The following TFR2 variants were observed in gnomAD, a reference collection of about 807,000 sequenced individuals.
TFR2 encodes transferrin receptor 2.
Under a neutral mutation model 91.9 loss-of-function variants are expected in TFR2, and 64 were observed. The observed-to-expected ratio is 0.70, with a 90% CI of 0.57 to 0.86. The LOEUF is 0.86. TFR2 is among the 40% of genes least tolerant of loss of function. The probability of loss-of-function intolerance (pLI) is 0.00; values close to 1 mark genes in which losing one functional copy is unlikely to be tolerated. For synonymous variants in TFR2, 454 were observed against 459.6 expected, an observed-to-expected ratio of 0.99 and a Z score of 0.15; for missense variants, 950 against 1,080.5, an observed-to-expected ratio of 0.88 and a Z score of 1.69.
chr7:100,639,309 G>A (rs1342236061), intron 3 of TFR2, among the ~76,000 whole-genome samples: 1 of 152,176 alleles, frequency 6.6e-6, no homozygotes, highest in African/African-American at 2.4e-5. Context: ...GGAGGCTGCA[G>A]TGAGCCAAGA....
At chr7:100,636,174 T>A (rs1803568662) in intron 3 of TFR2, among the ~76,000 whole-genome samples, 1 of 79,306 alleles carries the variant, frequency 1.3e-5, no homozygotes. Flanking sequence ...CTGCATCTTT[T>A]TTTTTTTTTT....
chr7:100,640,996 G>A lies in TFR2; in HGVS notation c.266C>T (p.Ala89Val). ...RRAAPYLVLTALLIFTGAFLL... is the reference protein window; with the variant it reads ...RRAAPYLVLTVLLIFTGAFLL... Reference sequence around the variant, plus strand: ...CTCACCCCCAGTGAAGATCAGCAGGGCCGTCAGGACCAGGTAGGGGGCAGC... The same window carrying A: ...CTCACCCCCAGTGAAGATCAGCAGGACCGTCAGGACCAGGTAGGGGGCAGC... Residue 89 changes from alanine to valine, a missense_variant, in exon 2 of 18, where the codon GCC becomes GTC. Physicochemically the swap from Ala to Val is moderately conservative, Grantham distance 64. Coordinates refer to ENST00000223051, the MANE Select transcript of TFR2 (RefSeq NM_003227.4). The A allele has an allele frequency of 2.5e-6, 4 of 1,607,896 alleles. No homozygotes were observed. Among genetic ancestry groups the A allele is most frequent in the Non-Finnish European group, 3.4e-6 (4 of 1,175,952 alleles).
intron 17 of TFR2, among the ~76,000 whole-genome samples, chr7:100,624,249 G>C (rs1451848997): frequency 6.6e-6 from 1 of 151,886 alleles, no homozygotes; most frequent in Non-Finnish European, 1.5e-5. Context: ...CCTCTTCATG[G>C]GGCCCCTGTT....
In TFR2 at chr7:100,631,237, A is replaced by G. The variant is rs41303483; in HGVS notation, c.1107-185T>C. Among the ~76,000 whole-genome samples the G allele has an allele frequency of 8.2e-3, 1,233 of 151,170 alleles. 24 individuals are homozygous for G. The highest frequency in any genetic ancestry group is 0.027 in the African/African-American group (1,126 of 41,186). On this transcript the variant is annotated intron_variant, in intron 8 of 17. Coordinates refer to ENST00000223051, the MANE Select transcript of TFR2 (RefSeq NM_003227.4). Reference sequence around the variant, plus strand: ...GGTTCTCAGCTGAGGTAGGTGTGCAATCCAGTGGGAACTTTAGTTGCCAGA... The same window carrying G: ...GGTTCTCAGCTGAGGTAGGTGTGCAGTCCAGTGGGAACTTTAGTTGCCAGA...
intron 3 of TFR2, 38 bp from the exon 4 acceptor site, chr7:100,633,594 G>A (rs578211014): frequency 6.3e-7 from 1 of 1,577,722 alleles, no homozygotes; most frequent in African/African-American, 1.3e-5. Flanking sequence ...TGGGCGCCCG[G>A]AGGAGAGGGA....
chr7:100,636,527 ATT>A (rs1412362107), intron 3 of TFR2, among the ~76,000 whole-genome samples: 32 of 150,470 alleles, frequency 2.1e-4, no homozygotes, highest in Non-Finnish European at 3.9e-4. Context: ...ATACTTATCC[ATT>A]GAGGATCTAC....
At chr7:100,623,887 C>A (rs1164255629) in intron 17 of TFR2, among the ~76,000 whole-genome samples, 30 of 96,436 alleles carry the variant, frequency 3.1e-4, no homozygotes, top group African/African-American at 4.8e-4. Flanking sequence ...CCTTCTCTAC[C>A]AAAAAAAAAA....
In TFR2 at chr7:100,641,192, G is replaced by A. The variant is rs1340877486; in HGVS notation, c.70C>T (p.Gln24Ter). The A allele has an allele frequency of 1.3e-6, 2 of 1,532,788 alleles. No individual in the cohort carries two copies. Among genetic ancestry groups the A allele is most frequent in the South Asian group, 2.5e-5 (2 of 80,712 alleles). 94.9% of individuals were successfully genotyped at this position (1,532,788 alleles called of 1,614,324 possible). ...CCTTTCCGGGGGCCTTCCACACGCTGGTAGACGGTCTGAGAGGATCTTGGG... is the reference window on the plus strand; with the variant it reads ...CCTTTCCGGGGGCCTTCCACACGCTAGTAGACGGTCTGAGAGGATCTTGGG... Reference protein sequence around the residue: ...LSPRSSQTVYQRVEGPRKGHL... With the variant: ...LSPRSSQTVY The change falls in exon 2 of 18, where the codon CAG becomes TAG. Residue 24 changes from glutamine to a stop codon, truncating the protein, a stop_gained. Coordinates refer to ENST00000223051, the MANE Select transcript of TFR2 (RefSeq NM_003227.4). LOFTEE classifies it high-confidence loss of function.
intron 3 of TFR2, chr7:100,640,322 A>G: frequency 8.3e-6 from 2 of 241,094 alleles, no homozygotes; most frequent in Non-Finnish European, 1.6e-5. Flanking sequence ...CTGATTCCCT[A>G]GAATGCGGCT....
rs146487447 is a variant in TFR2 at position 100,620,943 on chromosome 7, G to A, written c.2320C>T (p.Arg774Cys). ...STGFQESRFR[R>C]QLALLTWTLQ... ...GTCCAGGTGAGCAGGGCTAGCTGAC[G>A]CCGGAAACGGCTCTCCTGGAAGCCA... is the stretch of plus-strand genomic sequence containing the variant. The change falls in exon 18 of 18, where the codon CGT (arginine) becomes TGT (cysteine). Residue 774 changes from arginine to cysteine, a missense_variant. Arg to Cys is a radical substitution (Grantham distance 180). Coordinates refer to ENST00000223051, the MANE Select transcript of TFR2 (RefSeq NM_003227.4). 8.9e-5 allele frequency: 143 copies of A among 1,613,832 alleles called. No homozygotes were observed. In the Middle Eastern group the frequency reaches 9.9e-4, roughly 11 times the overall value.
chr7:100,626,702 A>C, intron 17 of TFR2, 61 bp downstream of exon 17: 16 of 1,469,474 alleles, frequency 1.1e-5, no homozygotes, highest in Non-Finnish European at 1.4e-5. Context: ...CAGGTCCAGG[A>C]GGTGGAGCCC....
At chr7:100,635,119 T>A (rs1302069813) in intron 3 of TFR2, among the ~76,000 whole-genome samples, 2 of 151,860 alleles carry the variant, frequency 1.3e-5, no homozygotes, top group African/African-American at 2.4e-5. Context: ...TGTATTTTTT[T>A]AGTAGAGACA....
Position 100,627,272 on chromosome 7 carries a change from C to T in TFR2, c.1987G>A (p.Asp663Asn), listed in dbSNP as rs1260887893. 1 of 1,549,112 alleles carries T rather than the reference C, an allele frequency of 6.5e-7. No individual in the cohort carries two copies. The highest frequency in any genetic ancestry group is 2.0e-5 in the Admixed American group (1 of 50,984). The change falls in exon 16 of 18, where the codon GAC (aspartate) becomes AAC (asparagine). Residue 663 changes from aspartate to asparagine, a missense_variant. Transcript: ENST00000223051. ...GGGTGGGCCTCTTGAACCTTGAGGT[C>T]CCCAGAGAACTCGTTGAGGTTCCCG... ...HIGNLNEFSG[D>N]LKARGLTLQW...
rs199838806 is a variant in TFR2 at position 100,620,854 on chromosome 7, G to A, written c.*3C>T. ...GGACGGGGATGTGAGGATCCCCAGG[G>A]CCTCAGAAGTTGTTATCAATGTTCC... On this transcript the variant is annotated 3_prime_UTR_variant, in exon 18 of 18. Coordinates refer to ENST00000223051, the MANE Select transcript of TFR2 (RefSeq NM_003227.4). 2.6e-4 allele frequency: 414 copies of A among 1,614,006 alleles called. 2 individuals carry two copies. In the African/African-American group the frequency reaches 4.9e-3, roughly 19 times the overall value.
At chr7:100,623,701 T>G (rs1803174734) in intron 17 of TFR2, among the ~76,000 whole-genome samples, 1 of 151,994 alleles carries the variant, frequency 6.6e-6, no homozygotes, top group Non-Finnish European at 1.5e-5. Flanking sequence ...GAGGATCACT[T>G]GAGCCCAGGA....
chr7:100,628,883 C>T (rs1027673743), intron 10 of TFR2, among the ~76,000 whole-genome samples: 1 of 152,116 alleles, frequency 6.6e-6, no homozygotes, highest in African/African-American at 2.4e-5. Context: ...TCTCCTGCCT[C>T]AGCCTCCCTA....
chr7:100,633,446 G>A lies in TFR2; in HGVS notation c.584C>T (p.Thr195Met). Residue 195 changes from threonine to methionine, a missense_variant, in exon 4 of 18, where the codon ACG becomes ATG. Physicochemically the swap from Thr to Met is moderately conservative, Grantham distance 81. Coordinates refer to ENST00000223051, the MANE Select transcript of TFR2 (RefSeq NM_003227.4). ...CGGGAATTGCAGCCCCACGTAGTGCGTGTCGGTCCACACGTGGTCCAGCTT... is the reference window on the plus strand; with the variant it reads ...CGGGAATTGCAGCCCCACGTAGTGCATGTCGGTCCACACGTGGTCCAGCTT... ...RQKLDHVWTD[T>M]HYVGLQFPDP... 1 of 1,612,822 alleles carries A rather than the reference G, an allele frequency of 6.2e-7. No homozygotes were observed. The highest frequency in any genetic ancestry group is 8.5e-7 in the Non-Finnish European group (1 of 1,179,776).
At chr7:100,641,355 C>T (rs1345757492) in intron 1 of TFR2, 122 bp downstream of exon 1, 2 of 1,181,156 alleles carry the variant, frequency 1.7e-6, no homozygotes, top group South Asian at 1.3e-5. Context: ...GGGGGAGGGG[C>T]AGGGGTGGGA....
rs1803496924 is a variant in TFR2 at position 100,633,121 on chromosome 7, T to C, written c.729A>G (p.Gly243=). Reference sequence around the variant, plus strand: ...GCCCGTAGTGGGCGTACACCAGCTCTCCCTGGGGACACGAGGACGGTGAGG... The same window carrying C: ...GCCCGTAGTGGGCGTACACCAGCTCCCCCTGGGGACACGAGGACGGTGAGG... The part of the protein sequence containing the change: ...CPYSAIGNVT[G]ELVYAHYGRP... The change falls in exon 6 of 18, where the codon GGA becomes GGG. Residue 243 remains glycine (G), a splice_region_variant and synonymous_variant. Transcript: ENST00000223051. The C allele has an allele frequency of 1.9e-6, 3 of 1,613,312 alleles. No homozygotes were observed.
Sources: gnomAD v4.1 joint callset for allele counts (sites outside exome capture counted in the v4.1 genomes callset) on GRCh38, gnomAD v4.1.1 for gene constraint, MANE v1.5 for transcripts, NCBI Gene and HGNC (gene_info 2026-07-23, HGNC 2026-07-21) for gene names.